The following FBXO36 variants were observed in gnomAD, a reference collection of about 807,000 sequenced individuals.
FBXO36 encodes the protein F-box only protein 36.
FBXO36 carries 18 observed loss-of-function variants against 17.0 expected under a neutral mutation model. The observed-to-expected ratio is 1.06, with a 90% CI of 0.73 to 1.57. The LOEUF is 1.57. Ranked by LOEUF, FBXO36 falls within the 40% of genes most tolerant of loss-of-function variation. The pLI is 0.00. For synonymous variants in FBXO36, 83 were observed against 85.3 expected, an observed-to-expected ratio of 0.97 and a Z score of 0.15; for missense variants, 229 against 221.9, an observed-to-expected ratio of 1.03 and a Z score of -0.20.
At chr2:229,953,743 G>T (rs926543512) in intron 1 of FBXO36, among the ~76,000 whole-genome samples, 1 of 151,794 alleles carries the variant, frequency 6.6e-6, no homozygotes, top group African/African-American at 2.4e-5. Context: ...AGGAGAACAA[G>T]AAAAATTTAT....
intron 3 of FBXO36, among the ~76,000 whole-genome samples, chr2:229,998,427 A>C (rs1015790570): frequency 2.0e-5 from 3 of 152,168 alleles, no homozygotes; most frequent in African/African-American, 7.2e-5. Flanking sequence ...GTTTGAGACC[A>C]GCCTGACCAG....
intron 2 of FBXO36, among the ~76,000 whole-genome samples, chr2:229,988,756 G>A (rs931937837): frequency 4.0e-5 from 6 of 151,018 alleles, no homozygotes; most frequent in African/African-American, 1.5e-4. Flanking sequence ...GGCTGGTCTC[G>A]AACTCCTGAC....
Position 229,960,756 on chromosome 2 carries a change from A to G in FBXO36, c.97-15485A>G, listed in dbSNP as rs538259449. 1.2e-4 allele frequency among the ~76,000 whole-genome samples: 18 copies of G among 152,264 alleles called. No individual in the cohort carries two copies. In the South Asian group the frequency reaches 3.7e-3, roughly 32 times the overall value. On this transcript the variant is annotated intron_variant, in intron 1 of 3. Transcript: ENST00000283946. ...AGCCTCAAGCCACCCCAAAGTGTTGAGCCACAACACCCAGCCTAGAATTTA... is the reference window on the plus strand; with the variant it reads ...AGCCTCAAGCCACCCCAAAGTGTTGGGCCACAACACCCAGCCTAGAATTTA...
intron 3 of FBXO36, among the ~76,000 whole-genome samples, chr2:230,004,585 A>G (rs1029338275): frequency 1.3e-5 from 2 of 152,190 alleles, no homozygotes; most frequent in African/African-American, 4.8e-5. Context: ...GTAGAACCAT[A>G]TGTGTGTGGG....
chr2:229,935,194 A>G (rs1188596527), intron 1 of FBXO36, among the ~76,000 whole-genome samples: 2 of 152,222 alleles, frequency 1.3e-5, no homozygotes, highest in African/African-American at 4.8e-5. Context: ...TGTTTGGGAA[A>G]GCTCAGCTCT....
At chr2:229,956,764 G>T (rs1441275413) in intron 1 of FBXO36, among the ~76,000 whole-genome samples, 1 of 152,088 alleles carries the variant, frequency 6.6e-6, no homozygotes, top group African/African-American at 2.4e-5. Context: ...GAGAGAAAAA[G>T]GGACAAGAGA....
At chr2:229,922,829 C>T (rs1247062260) in intron 1 of FBXO36, among the ~76,000 whole-genome samples, 1 of 152,238 alleles carries the variant, frequency 6.6e-6, no homozygotes, top group Non-Finnish European at 1.5e-5. Context: ...GGCAAGCCTT[C>T]TCTGCCTCCC....
Position 230,012,335 on chromosome 2 carries a change from A to G in FBXO36, c.*1451A>G, listed in dbSNP as rs1461605811. 2 of 152,090 alleles carry G rather than the reference A, an allele frequency of 1.3e-5. No individual in the cohort carries two copies. Among genetic ancestry groups the G allele is most frequent in the African/African-American group, 4.8e-5 (2 of 41,412 alleles). The allele number at this position is 152,090 out of a possible 1,614,324, so 9.4% of individuals were successfully genotyped here. A position where few individuals can be genotyped will look rare whatever the true frequency, so the allele number is the denominator to read the frequency against. The stretch of plus-strand genomic sequence containing the variant: ...TTAATCTTCATTCACACACCCTTAA[A>G]ACCCAGTCACGGGGCTCCCCGGTGC... On this transcript the variant is annotated 3_prime_UTR_variant, in exon 4 of 4. Coordinates refer to ENST00000283946, the MANE Select transcript of FBXO36 (RefSeq NM_174899.5).
chr2:230,001,983 AATTTT>A (rs559139014), intron 3 of FBXO36, among the ~76,000 whole-genome samples: 1 of 152,010 alleles, frequency 6.6e-6, no homozygotes, highest in Non-Finnish European at 1.5e-5. Flanking sequence ...ACACCTGGCT[AATTTT>A]ATTTTATTTT....
chr2:230,010,392 G>A (rs2077409269), intron 3 of FBXO36, among the ~76,000 whole-genome samples: 1 of 152,222 alleles, frequency 6.6e-6, no homozygotes, highest in Non-Finnish European at 1.5e-5. Context: ...GGGTGGGGGT[G>A]AAGGTGGAGA....
intron 2 of FBXO36, among the ~76,000 whole-genome samples, chr2:229,988,792 T>C (rs564640551): frequency 5.2e-4 from 78 of 151,306 alleles, no homozygotes; most frequent in African/African-American, 1.8e-3. Flanking sequence ...CCTCCCAAAG[T>C]GCTGGGATTA....
At chr2:229,989,501 C>T (rs1190158755) in intron 2 of FBXO36, among the ~76,000 whole-genome samples, 1 of 152,112 alleles carries the variant, frequency 6.6e-6, no homozygotes, top group African/African-American at 2.4e-5. Flanking sequence ...AGGTGATCTG[C>T]CCGCCTCAGC....
intron 1 of FBXO36, among the ~76,000 whole-genome samples, chr2:229,936,725 G>C (rs2076966051): frequency 6.6e-6 from 1 of 152,002 alleles, no homozygotes; most frequent in African/African-American, 2.4e-5. Context: ...TTTAAAATGA[G>C]CCAAGCGTGG....
chr2:229,962,546 TTA>T (rs890275436), intron 1 of FBXO36, among the ~76,000 whole-genome samples: 6 of 143,828 alleles, frequency 4.2e-5, no homozygotes, highest in African/African-American at 1.6e-4. Flanking sequence ...TTATTTTATT[TTA>T]TTGTAGAGAT....
intron 3 of FBXO36, among the ~76,000 whole-genome samples, chr2:230,009,377 G>C (rs141514596): frequency 2.0e-5 from 3 of 152,264 alleles, no homozygotes; most frequent in Non-Finnish European, 4.4e-5. Context: ...GCGCTATTTG[G>C]TTTCCCATTT....
intron 1 of FBXO36, among the ~76,000 whole-genome samples, chr2:229,963,024 G>A (rs944928151): frequency 6.6e-6 from 1 of 151,488 alleles, no homozygotes; most frequent in Non-Finnish European, 1.5e-5. Context: ...TCCTTTGTGA[G>A]GTTATGTCAA....
intron 1 of FBXO36, among the ~76,000 whole-genome samples, chr2:229,949,984 A>T (rs2077048817): frequency 6.6e-6 from 1 of 152,200 alleles, no homozygotes. Context: ...GATGGCAGCC[A>T]ACTGGAAGAA....
intron 3 of FBXO36, among the ~76,000 whole-genome samples, chr2:230,009,667 G>A (rs536369261): frequency 2.0e-5 from 3 of 152,270 alleles, no homozygotes; most frequent in East Asian, 1.9e-4. Context: ...ACTTCCGGCC[G>A]GGCACGGTGG....
chr2:229,932,425 C>T lies in FBXO36; in HGVS notation c.96+9816C>T, dbSNP rs151025506. Among the ~76,000 whole-genome samples, 916 of 152,134 alleles carry T rather than the reference C, an allele frequency of 6.0e-3. 6 individuals carry two copies. The highest frequency in any genetic ancestry group is 0.021 in the African/African-American group (861 of 41,492). ...ATCCCAGCTACTCAGAGGGCTGAGG[C>T]AGGAGAATCACTTGAACCCGGGAGT... On this transcript the variant is annotated intron_variant, in intron 1 of 3. Transcript: ENST00000283946.
Sources: allele counts gnomAD v4.1 joint callset (sites outside exome capture counted in the v4.1 genomes callset), GRCh38; gene constraint gnomAD v4.1.1; transcripts MANE v1.5; gene names NCBI Gene and HGNC (gene_info 2026-07-23, HGNC 2026-07-21).